ELF2: variants seen among roughly 807,000 people sequenced by gnomAD.
ELF2 encodes ETS-related transcription factor Elf-2.
In ELF2, 11 loss-of-function variants were observed where a neutral mutation model predicts 54.8. The observed-to-expected ratio is 0.20, with a 90% CI of 0.13 to 0.33. The LOEUF (loss-of-function observed/expected upper bound fraction) is 0.33. Among genes scored for constraint, ELF2 ranks in the 10% least tolerant of loss-of-function variants. The pLI is 1.00. For synonymous variants in ELF2, 203 were observed against 245.1 expected, an observed-to-expected ratio of 0.83 and a Z score of 1.61; for missense variants, 513 against 703.0, an observed-to-expected ratio of 0.73 and a Z score of 3.06.
At chr4:139,176,489 C>T (rs1742939343) in intron 1 of ELF2, among the ~76,000 whole-genome samples, 1 of 151,988 alleles carries the variant, frequency 6.6e-6, no homozygotes, top group East Asian at 1.9e-4. Context: ...GCCGCAGACT[C>T]CCGCCCTACA....
At chr4:139,105,834 G>A (rs1734352828) in intron 4 of ELF2, among the ~76,000 whole-genome samples, 1 of 152,206 alleles carries the variant, frequency 6.6e-6, no homozygotes. Context: ...CAAGGTAGCA[G>A]TGAGGTATAA....
rs373283677 is a variant in ELF2 at position 139,135,279 on chromosome 4, G to GTGTGTGTGTA, written c.72+2350_72+2351insTACACACACA. Among the ~76,000 whole-genome samples, 581 of 136,486 alleles carry GTGTGTGTGTA rather than the reference G, an allele frequency of 4.3e-3. 7 individuals are homozygous for GTGTGTGTGTA. Among genetic ancestry groups the GTGTGTGTGTA allele is most frequent in the South Asian group, 0.02 (83 of 4,168 alleles). The allele number at this position is 136,486 out of a possible 152,430, so 89.5% of individuals were successfully genotyped here. On this transcript the variant is annotated intron_variant, in intron 3 of 9. Coordinates refer to ENST00000686138, the MANE Select transcript of ELF2 (RefSeq NM_001331036.3). ...TGTGTGTGTGTGTGTGTGTGTGTGT[G>GTGTGTGTGTA]TATATATGAATGAAACATTCCTGAA...
At position 139,067,729 on chromosome 4, in the gene ELF2, C is replaced by T; in HGVS notation, c.568G>A (p.Gly190Arg). Reference protein sequence around the residue: ...PKTQQSPISNGSPELGIKKKP... With the variant: ...PKTQQSPISNRSPELGIKKKP... ...TTCTTTATACCTAACTCAGGAGACC[C>T]ATTGGAAATTGGTGATTGCTGGGTC... Residue 190 changes from glycine to arginine, a missense_variant, in exon 7 of 10, where the codon GGG (glycine) becomes AGG (arginine). Gly to Arg is a moderately radical substitution (Grantham distance 125, BLOSUM62 -2). Coordinates refer to ENST00000686138, the MANE Select transcript of ELF2 (RefSeq NM_001331036.3). 1.2e-6 allele frequency: 2 copies of T among 1,607,504 alleles called. No individual in the cohort carries two copies. Among genetic ancestry groups the T allele is most frequent in the Non-Finnish European group, 1.7e-6 (2 of 1,175,342 alleles).
intron 4 of ELF2, among the ~76,000 whole-genome samples, chr4:139,106,570 T>G (rs1171954333): frequency 3.3e-5 from 5 of 151,402 alleles, no homozygotes; most frequent in Non-Finnish European, 7.4e-5. Context: ...ATATTACGGT[T>G]TTTTTTTTCT....
At chr4:139,100,522 A>G (rs983892944) in intron 4 of ELF2, 7 of 152,294 alleles carry the variant, frequency 4.6e-5, no homozygotes, top group Admixed American at 1.3e-4. Flanking sequence ...AGGGACCACA[A>G]GGTTGCCTAA....
chr4:139,162,910 A>G (rs566908857), intron 1 of ELF2, among the ~76,000 whole-genome samples: 2 of 152,260 alleles, frequency 1.3e-5, no homozygotes, highest in Admixed American at 1.3e-4. Context: ...CAGCCTGAGC[A>G]ACACGGCAAG....
At chr4:139,059,636 T>C (rs778475531) in intron 9 of ELF2, 29 bp from the exon 10 acceptor site, 1 of 1,584,034 alleles carries the variant, frequency 6.3e-7, no homozygotes, top group East Asian at 2.2e-5. Context: ...AAAAGCTGAT[T>C]ATATTTAATG....
At chr4:139,132,804 C>T (rs902729028) in intron 3 of ELF2, among the ~76,000 whole-genome samples, 4 of 144,354 alleles carry the variant, frequency 2.8e-5, no homozygotes, top group African/African-American at 7.8e-5. Context: ...TTTAATTTTG[C>T]AAGTACTCAA....
chr4:139,087,329 GGT>G (rs967159603), intron 4 of ELF2, among the ~76,000 whole-genome samples: 2 of 152,172 alleles, frequency 1.3e-5, no homozygotes, highest in African/African-American at 4.8e-5. Flanking sequence ...TATCAAGGCT[GGT>G]CATCAACTCC....
intron 4 of ELF2, among the ~76,000 whole-genome samples, chr4:139,086,758 T>C (rs994443057): frequency 6.6e-6 from 1 of 152,208 alleles, no homozygotes; most frequent in Admixed American, 6.5e-5. Flanking sequence ...ACAAGACTGC[T>C]TATATATGAA....
At chr4:139,141,233 T>C (rs1307471537) in intron 1 of ELF2, among the ~76,000 whole-genome samples, 1 of 152,212 alleles carries the variant, frequency 6.6e-6, no homozygotes. Context: ...TCCTTCTATC[T>C]TGACTAATAA....
intron 4 of ELF2, among the ~76,000 whole-genome samples, chr4:139,095,737 T>C (rs1344099181): frequency 6.6e-6 from 1 of 152,140 alleles, no homozygotes; most frequent in East Asian, 1.9e-4. Flanking sequence ...TGCTATTCTT[T>C]ATTTAGAATA....
intron 4 of ELF2, chr4:139,115,196 A>T: frequency 6.2e-7 from 1 of 1,611,682 alleles, no homozygotes; most frequent in Non-Finnish European, 8.5e-7. Context: ...TTGCGGTCAT[A>T]CTTGACGGTG....
intron 8 of ELF2, 140 bp from the exon 9 acceptor site, chr4:139,060,814 C>G (rs1727725770): frequency 1.4e-6 from 1 of 729,544 alleles, no homozygotes; most frequent in Non-Finnish European, 2.2e-6. Flanking sequence ...AAAACAAACT[C>G]TTACTGCCTA....
At chr4:139,113,572 G>A (rs763318185) in intron 4 of ELF2, among the ~76,000 whole-genome samples, 4 of 151,352 alleles carry the variant, frequency 2.6e-5, no homozygotes, top group African/African-American at 7.3e-5. Context: ...AAAATTGGCC[G>A]AGCGCAATGG....
intron 4 of ELF2, among the ~76,000 whole-genome samples, chr4:139,105,751 G>C (rs1301921067): frequency 2.6e-5 from 4 of 152,214 alleles, no homozygotes; most frequent in Non-Finnish European, 5.9e-5. Context: ...AAATTGCTGA[G>C]TGTGGTGGCT....
At chr4:139,063,124 G>A (rs186274829) in intron 7 of ELF2, among the ~76,000 whole-genome samples, 10 of 152,230 alleles carry the variant, frequency 6.6e-5, no homozygotes, top group South Asian at 2.1e-4. Flanking sequence ...TGCGCATGGT[G>A]GCGTGCACCT....
At chr4:139,156,552 G>A (rs574215403) in intron 1 of ELF2, among the ~76,000 whole-genome samples, 7 of 152,076 alleles carry the variant, frequency 4.6e-5, no homozygotes, top group East Asian at 3.9e-4. Flanking sequence ...AAATATTCAC[G>A]GCCTTGACAC....
intron 1 of ELF2, among the ~76,000 whole-genome samples, chr4:139,159,907 G>A (rs1469188625): frequency 6.6e-6 from 1 of 152,206 alleles, no homozygotes; most frequent in African/African-American, 2.4e-5. Context: ...GGCGTATTTA[G>A]AGTCAGTATA....
Sources: gnomAD v4.1 joint callset for allele counts (sites outside exome capture counted in the v4.1 genomes callset) on GRCh38, gnomAD v4.1.1 for gene constraint, MANE v1.5 for transcripts, NCBI Gene and HGNC (gene_info 2026-07-23, HGNC 2026-07-21) for gene names.